ADAMTS3: variants seen among roughly 807,000 people sequenced by gnomAD.
ADAMTS3 encodes ADAM metallopeptidase with thrombospondin type 1 motif 3.
ADAMTS3 carries 73 observed loss-of-function variants against 129.0 expected under a neutral mutation model. That is an observed-to-expected ratio of 0.57 (90% CI 0.47 to 0.69). The LOEUF is 0.69. Ranked by LOEUF, ADAMTS3 falls within the 30% of genes least tolerant of loss-of-function variation. The pLI, the probability that ADAMTS3 is intolerant of heterozygous loss-of-function variation, is 0.00. For synonymous variants in ADAMTS3, 477 were observed against 510.8 expected, an observed-to-expected ratio of 0.93 and a Z score of 0.89; for missense variants, 1,457 against 1,514.5, an observed-to-expected ratio of 0.96 and a Z score of 0.63.
At chr4:72,444,474 A>G (rs148080536) in intron 3 of ADAMTS3, among the ~76,000 whole-genome samples, 43 of 151,892 alleles carry the variant, frequency 2.8e-4, no homozygotes, top group African/African-American at 9.4e-4. Flanking sequence ...AAAATAATGT[A>G]TTCACATGTG....
At chr4:72,553,877 G>A (rs1243818236) in intron 2 of ADAMTS3, among the ~76,000 whole-genome samples, 1 of 152,094 alleles carries the variant, frequency 6.6e-6, no homozygotes, top group Non-Finnish European at 1.5e-5. Flanking sequence ...TTCTGTAAAA[G>A]ATATTTTCTT....
intron 4 of ADAMTS3, among the ~76,000 whole-genome samples, chr4:72,359,617 T>A (rs187465528): frequency 6.6e-6 from 1 of 151,980 alleles, no homozygotes; most frequent in East Asian, 1.9e-4. Context: ...TGGACTCCAT[T>A]TGAATATGAA....
intron 3 of ADAMTS3, among the ~76,000 whole-genome samples, chr4:72,446,097 G>C (rs532917761): frequency 6.6e-6 from 1 of 151,700 alleles, no homozygotes; most frequent in East Asian, 2.0e-4. Context: ...TGACCTCAAG[G>C]GCCCCAGGAC....
chr4:72,424,692 T>C (rs910299111), intron 3 of ADAMTS3, among the ~76,000 whole-genome samples: 4 of 82,370 alleles, frequency 4.9e-5, no homozygotes, highest in African/African-American at 1.7e-4. Context: ...CATGAGAGTC[T>C]TGGGGGAAAA....
intron 5 of ADAMTS3, among the ~76,000 whole-genome samples, chr4:72,339,228 T>C (rs1005427433): frequency 1.3e-5 from 2 of 152,184 alleles, no homozygotes; most frequent in African/African-American, 4.8e-5. Flanking sequence ...TTTAATTCCA[T>C]CTCATTATGG....
intron 3 of ADAMTS3, among the ~76,000 whole-genome samples, chr4:72,430,378 C>A (rs1364025977): frequency 6.6e-6 from 1 of 151,952 alleles, no homozygotes; most frequent in Non-Finnish European, 1.5e-5. Flanking sequence ...CTGGGAGAAA[C>A]CCAAACCATA....
At chr4:72,447,339 T>C (rs1718282698) in intron 3 of ADAMTS3, among the ~76,000 whole-genome samples, 1 of 151,780 alleles carries the variant, frequency 6.6e-6, no homozygotes, top group South Asian at 2.1e-4. Flanking sequence ...ACCTCCTCTC[T>C]TCCAAATCTT....
chr4:72,562,800 T>C (rs1334290010), intron 2 of ADAMTS3, among the ~76,000 whole-genome samples: 3 of 152,120 alleles, frequency 2.0e-5, no homozygotes, highest in Admixed American at 2.0e-4. Context: ...ATAGAAGTAG[T>C]ATAGTTTAGG....
In ADAMTS3 at chr4:72,548,414, T is replaced by C. The variant is rs562144927; in HGVS notation, c.504+64A>G. On this transcript the variant is annotated intron_variant, in intron 3 of 21. Transcript: ENST00000286657. ...CTTTCCACCTCCACCTTCCAAACTA[T>C]GCAGAAGCCATGGCTGCACTCCCAG... 68 of 1,537,932 alleles carry C rather than the reference T, an allele frequency of 4.4e-5. 3 individuals are homozygous for C. The South Asian group carries it at 7.8e-4, about 18-fold the overall frequency.
intron 16 of ADAMTS3, 66 bp downstream of exon 16, chr4:72,305,921 G>A: frequency 7.7e-7 from 1 of 1,302,174 alleles, no homozygotes; most frequent in Non-Finnish European, 1.1e-6. Flanking sequence ...TCTATATTTA[G>A]GATTTCTTTG....
chr4:72,517,552 G>A (rs1180705114), intron 3 of ADAMTS3, among the ~76,000 whole-genome samples: 3 of 152,078 alleles, frequency 2.0e-5, no homozygotes, highest in African/African-American at 7.2e-5. Context: ...ACTTCTTCCT[G>A]GTTTAGTCTT....
chr4:72,374,280 G>C (rs1486765012), intron 4 of ADAMTS3, among the ~76,000 whole-genome samples: 1 of 149,346 alleles, frequency 6.7e-6, no homozygotes, highest in African/African-American at 2.5e-5. Context: ...GCATGTTTGG[G>C]AGTAACTCCT....
At chr4:72,479,835 A>G (rs1431176897) in intron 3 of ADAMTS3, among the ~76,000 whole-genome samples, 1 of 152,212 alleles carries the variant, frequency 6.6e-6, no homozygotes, top group Non-Finnish European at 1.5e-5. Flanking sequence ...AATGAACTCA[A>G]ACAAATTTAC....
chr4:72,397,102 T>C (rs1317330484), intron 4 of ADAMTS3, among the ~76,000 whole-genome samples: 1 of 152,164 alleles, frequency 6.6e-6, no homozygotes, highest in East Asian at 1.9e-4. Flanking sequence ...CTCTACTCTC[T>C]CACTCCTCTC....
chr4:72,554,443 T>C (rs1272400652), intron 2 of ADAMTS3, among the ~76,000 whole-genome samples: 2 of 152,160 alleles, frequency 1.3e-5, no homozygotes, highest in African/African-American at 4.8e-5. Context: ...CCTGAACGGC[T>C]CTGTTCTCTA....
chr4:72,463,453 C>T (rs767178529), intron 3 of ADAMTS3, among the ~76,000 whole-genome samples: 8 of 151,952 alleles, frequency 5.3e-5, no homozygotes, highest in Non-Finnish European at 7.4e-5. Flanking sequence ...ATTGTAATCA[C>T]TTGAAAGAAA....
At chr4:72,514,086 TTC>T (rs147075811) in intron 3 of ADAMTS3, among the ~76,000 whole-genome samples, 1 of 150,918 alleles carries the variant, frequency 6.6e-6, no homozygotes, top group Non-Finnish European at 1.5e-5. Flanking sequence ...CCCCCTCTCC[TTC>T]TCTCTCTCTC....
chr4:72,372,997 A>G (rs905385681), intron 4 of ADAMTS3, among the ~76,000 whole-genome samples: 1 of 152,218 alleles, frequency 6.6e-6, no homozygotes, highest in Admixed American at 6.5e-5. Context: ...ACTCATTATT[A>G]TAAAGATGCT....
chr4:72,292,437 C>A (rs540926210), intron 19 of ADAMTS3, among the ~76,000 whole-genome samples: 65 of 152,320 alleles, frequency 4.3e-4, no homozygotes, highest in African/African-American at 1.5e-3. Context: ...CTGGGCCTGA[C>A]AAGAGGTAAG....
Sources: allele counts gnomAD v4.1 joint callset (sites outside exome capture counted in the v4.1 genomes callset), GRCh38; gene constraint gnomAD v4.1.1; transcripts MANE v1.5; gene names NCBI Gene and HGNC (gene_info 2026-07-23, HGNC 2026-07-21).